The following ICA1 variants were observed in gnomAD, a reference collection of about 807,000 sequenced individuals.
The protein encoded by ICA1 is 69 kDa islet cell autoantigen.
A neutral mutation model predicts 71.0 loss-of-function variants in ICA1; 40 were observed. The observed-to-expected ratio is 0.56, with a 90% confidence interval of 0.44 to 0.73. ICA1 has a LOEUF of 0.73. Ranked by LOEUF, ICA1 falls within the 30% of genes least tolerant of loss-of-function variation. The pLI, the probability that ICA1 is intolerant of heterozygous loss-of-function variation, is 0.00. For synonymous variants in ICA1, 207 were observed against 209.5 expected, an observed-to-expected ratio of 0.99 and a Z score of 0.10; for missense variants, 578 against 576.5, an observed-to-expected ratio of 1.00 and a Z score of -0.03.
chr7:8,167,779 A>C (rs1806641928), intron 6 of ICA1, among the ~76,000 whole-genome samples: 1 of 152,190 alleles, frequency 6.6e-6, no homozygotes, highest in Admixed American at 6.5e-5. Context: ...AGTTGAATTA[A>C]TCATAATGCA....
At chr7:8,134,001 C>CTGA (rs766090899) in intron 12 of ICA1, among the ~76,000 whole-genome samples, 6 of 152,116 alleles carry the variant, frequency 3.9e-5, no homozygotes, top group Non-Finnish European at 8.8e-5. Context: ...CCCCAACTCA[C>CTGA]AGTCAAGGTG....
chr7:8,169,728 A>C (rs1217046802), intron 6 of ICA1, among the ~76,000 whole-genome samples: 1 of 152,086 alleles, frequency 6.6e-6, no homozygotes, highest in Non-Finnish European at 1.5e-5. Flanking sequence ...AGTTCTTTAT[A>C]TGTTCTAAAT....
rs1389526017 is a variant in ICA1 at position 8,128,614 on chromosome 7, G to A, written c.1061-472C>T. On this transcript the variant is annotated intron_variant, in intron 12 of 13. Coordinates refer to ENST00000402384, the MANE Select transcript of ICA1 (RefSeq NM_001136020.3). Reference sequence around the variant, plus strand: ...GGGGAGAGAACTTTCACCATGCCCTGGCCCAGGGCACGACAGTGAAGGGGA... The same window carrying A: ...GGGGAGAGAACTTTCACCATGCCCTAGCCCAGGGCACGACAGTGAAGGGGA... Among the ~76,000 whole-genome samples the A allele has an allele frequency of 2.1e-5, 3 of 144,398 alleles. No homozygotes were observed. The East Asian group carries it at 6.3e-4, about 30-fold the overall frequency. 94.7% of individuals were successfully genotyped at this position (144,398 alleles called of 152,430 possible).
At chr7:8,166,195 C>T (rs780855585) in intron 6 of ICA1, among the ~76,000 whole-genome samples, 2 of 151,958 alleles carry the variant, frequency 1.3e-5, no homozygotes, top group African/African-American at 4.8e-5. Context: ...TTAATAATGG[C>T]CTATCATGAA....
intron 13 of ICA1, among the ~76,000 whole-genome samples, chr7:8,125,868 G>T (rs1354387694): frequency 6.6e-6 from 1 of 152,192 alleles, no homozygotes; most frequent in Non-Finnish European, 1.5e-5. Flanking sequence ...GCATGAGCTT[G>T]TGTTTCTCTC....
chr7:8,249,731 A>G (rs1399502163), intron 1 of ICA1, among the ~76,000 whole-genome samples: 1 of 152,216 alleles, frequency 6.6e-6, no homozygotes, highest in Non-Finnish European at 1.5e-5. Context: ...GTTCTTCCAT[A>G]CACTAAAACT....
Position 8,158,426 on chromosome 7 carries a change from C to T in ICA1, c.705+101G>A. The T allele has an allele frequency of 2.0e-6, 3 of 1,477,524 alleles. No individual in the cohort carries two copies. In the South Asian group the frequency reaches 3.7e-5, roughly 18 times the overall value. The allele number at this position is 1,477,524 out of a possible 1,614,324, so 91.5% of individuals were successfully genotyped here. A position where few individuals can be genotyped will look rare whatever the true frequency, so the allele number is the denominator to read the frequency against. On this transcript the variant is annotated intron_variant, in intron 7 of 13. Coordinates refer to ENST00000402384, the MANE Select transcript of ICA1 (RefSeq NM_001136020.3). Reference sequence around the variant, plus strand: ...TGAAATTACGGAAAGGCATTCAGAACTTCACAATGGCCAAAGCTTACTTTT... The same window carrying T: ...TGAAATTACGGAAAGGCATTCAGAATTTCACAATGGCCAAAGCTTACTTTT...
chr7:8,243,630 C>T (rs867369971), intron 1 of ICA1, among the ~76,000 whole-genome samples: 4 of 152,138 alleles, frequency 2.6e-5, no homozygotes, highest in Admixed American at 6.6e-5. Flanking sequence ...TCTAATTGTC[C>T]CTGTTTGCAG....
At chr7:8,140,866 G>A (rs990310265) in intron 10 of ICA1, among the ~76,000 whole-genome samples, 1 of 152,202 alleles carries the variant, frequency 6.6e-6, no homozygotes, top group Non-Finnish European at 1.5e-5. Flanking sequence ...GATAGAGGGT[G>A]AAGGAGAAGA....
intron 13 of ICA1, among the ~76,000 whole-genome samples, chr7:8,121,403 G>A (rs564604332): frequency 6.6e-6 from 1 of 152,292 alleles, no homozygotes; most frequent in Admixed American, 6.5e-5. Flanking sequence ...ACAACCTAGA[G>A]CAAGAGACAG....
chr7:8,116,058 A>C (rs1584097958), intron 13 of ICA1, among the ~76,000 whole-genome samples: 1 of 152,376 alleles, frequency 6.6e-6, no homozygotes, highest in East Asian at 1.9e-4. Context: ...TGAGGACATT[A>C]AGCCAGAAAA....
upstream of ICA1, chr7:8,262,553 A>C (rs1035354293): frequency 6.6e-6 from 1 of 152,216 alleles, no homozygotes; most frequent in Non-Finnish European, 1.5e-5. Context: ...CGCCGCCCAG[A>C]GTGACCCCGC....
At chr7:8,204,974 A>C (rs1790990954) in intron 6 of ICA1, among the ~76,000 whole-genome samples, 1 of 151,820 alleles carries the variant, frequency 6.6e-6, no homozygotes, top group Non-Finnish European at 1.5e-5. Flanking sequence ...CCTAAAATAC[A>C]CTAAGGATAA....
At chr7:8,202,118 C>G (rs188946229) in intron 6 of ICA1, among the ~76,000 whole-genome samples, 1 of 152,200 alleles carries the variant, frequency 6.6e-6, no homozygotes, top group Non-Finnish European at 1.5e-5. Flanking sequence ...TTTTGATTGA[C>G]TCAACATTTA....
chr7:8,219,416 A>T (rs949695157), intron 5 of ICA1, among the ~76,000 whole-genome samples: 4 of 152,272 alleles, frequency 2.6e-5, no homozygotes, highest in African/African-American at 9.6e-5. Context: ...AGTGAACTGA[A>T]GTCAGCTTTT....
At chr7:8,220,362 T>C (rs751139657) in intron 5 of ICA1, among the ~76,000 whole-genome samples, 6 of 152,324 alleles carry the variant, frequency 3.9e-5, no homozygotes, top group East Asian at 3.9e-4. Context: ...GGAACAACCA[T>C]GTACCATGCT....
At chr7:8,146,671 T>C (rs956867013) in intron 8 of ICA1, among the ~76,000 whole-genome samples, 1 of 151,606 alleles carries the variant, frequency 6.6e-6, no homozygotes, top group African/African-American at 2.4e-5. Flanking sequence ...AGCCTGGATG[T>C]TCATGATTTT....
chr7:8,176,107 C>T (rs1584922888), intron 6 of ICA1, among the ~76,000 whole-genome samples: 1 of 152,328 alleles, frequency 6.6e-6, no homozygotes, highest in East Asian at 1.9e-4. Context: ...TGTAGAAATG[C>T]CAGGACTGGG....
chr7:8,128,956 A>G (rs967034195), intron 12 of ICA1, among the ~76,000 whole-genome samples: 7 of 152,186 alleles, frequency 4.6e-5, no homozygotes, highest in Non-Finnish European at 1.0e-4. Context: ...CATGTTAATA[A>G]CGGCCACCTC....
Sources: allele counts gnomAD v4.1 joint callset (sites outside exome capture counted in the v4.1 genomes callset), GRCh38; gene constraint gnomAD v4.1.1; transcripts MANE v1.5; gene names NCBI Gene and HGNC (gene_info 2026-07-23, HGNC 2026-07-21).